Variants in EEF1AKMT2 observed in about 807,000 individuals in gnomAD.
The protein encoded by EEF1AKMT2 is EEF1A lysine methyltransferase 2.
Under a neutral mutation model 35.8 loss-of-function variants are expected in EEF1AKMT2, and 32 were observed. The ratio of observed to expected loss-of-function variants is 0.89; its 90% CI spans 0.67 to 1.20. EEF1AKMT2 has a LOEUF of 1.20. Ranked by LOEUF, EEF1AKMT2 falls within the 50% of genes most tolerant of loss-of-function variation. The pLI, the probability that EEF1AKMT2 is intolerant of heterozygous loss-of-function variation, is 0.00. For missense variants in EEF1AKMT2, 330 were observed against 347.5 expected, an observed-to-expected ratio of 0.95 and a Z score of 0.40; for synonymous variants, 121 against 133.7, an observed-to-expected ratio of 0.91 and a Z score of 0.65.
At chr10:124,778,722 CA>C (rs11405149) in intron 3 of EEF1AKMT2, among the ~76,000 whole-genome samples, 102 of 119,426 alleles carry the variant, frequency 8.5e-4, no homozygotes, top group African/African-American at 1.4e-3. Context: ...GACTCCGTAC[CA>C]AAAAAAAAAA....
At chr10:124,772,991 A>C (rs1950451388) in intron 4 of EEF1AKMT2, among the ~76,000 whole-genome samples, 1 of 152,216 alleles carries the variant, frequency 6.6e-6, no homozygotes, top group Non-Finnish European at 1.5e-5. Context: ...ATTTCCTTAA[A>C]GAAATTTTGT....
intron 1 of EEF1AKMT2, 133 bp from the exon 2 acceptor site, chr10:124,790,471 CAT>C: frequency 1.5e-6 from 1 of 667,060 alleles, no homozygotes; most frequent in Non-Finnish European, 2.7e-6. Context: ...AATAAATACA[CAT>C]AGTTCAATCT....
At chr10:124,777,350 C>G (rs576764163) in intron 3 of EEF1AKMT2, among the ~76,000 whole-genome samples, 56 of 151,658 alleles carry the variant, frequency 3.7e-4, no homozygotes, top group Non-Finnish European at 7.1e-4. Flanking sequence ...TACACACACA[C>G]AGTCATGTGT....
intron 5 of EEF1AKMT2, among the ~76,000 whole-genome samples, chr10:124,764,850 A>G (rs1193906538): frequency 6.6e-6 from 1 of 152,244 alleles, no homozygotes; most frequent in Non-Finnish European, 1.5e-5. Flanking sequence ...TCTATAAATA[A>G]TAGATTATAT....
chr10:124,787,391 A>T (rs1339514628), intron 3 of EEF1AKMT2, among the ~76,000 whole-genome samples: 1 of 139,628 alleles, frequency 7.2e-6, no homozygotes, highest in Non-Finnish European at 1.5e-5. Flanking sequence ...CAAGATCGTG[A>T]GACTGCACTC....
At position 124,790,344 on chromosome 10, in the gene EEF1AKMT2, T is replaced by A. The variant is rs1444743751; in HGVS notation, c.111-6A>T. 3 of 1,602,738 alleles carry A rather than the reference T, an allele frequency of 1.9e-6. No homozygotes were observed. The South Asian group carries it at 3.3e-5, about 18-fold the overall frequency. ...TCTCATAGACAGCATCCCAACTATG[T>A]AAACAATGAAATGCAAAGCAAGACT... On this transcript the variant is annotated splice_region_variant and splice_polypyrimidine_tract_variant and intron_variant, in intron 1 of 6. Coordinates refer to ENST00000368836, the MANE Select transcript of EEF1AKMT2 (RefSeq NM_212554.4).
chr10:124,767,568 C>CA (rs1366809680), intron 4 of EEF1AKMT2, among the ~76,000 whole-genome samples: 2 of 147,822 alleles, frequency 1.4e-5, no homozygotes, highest in Admixed American at 1.3e-4. Flanking sequence ...TTATATTCTA[C>CA]AAAGAGAAAG....
At chr10:124,776,411 T>C (rs1457419137) in intron 3 of EEF1AKMT2, among the ~76,000 whole-genome samples, 1 of 151,932 alleles carries the variant, frequency 6.6e-6, no homozygotes, top group Non-Finnish European at 1.5e-5. Context: ...TAAATGAATT[T>C]TCAGAAAAAG....
Position 124,762,340 on chromosome 10 carries a change from C to A in EEF1AKMT2, c.835G>T (p.Val279Leu). 8.0e-7 allele frequency: 1 copy of A among 1,242,558 alleles called. No individual in the cohort carries two copies. The highest frequency in any genetic ancestry group is 1.4e-5 in the South Asian group (1 of 72,106). 77.0% of individuals were successfully genotyped at this position (1,242,558 alleles called of 1,614,324 possible). A position where few individuals can be genotyped will look rare whatever the true frequency, so the allele number is the denominator to read the frequency against. Residue 279 changes from valine (V) to leucine (L), a missense_variant, in exon 6 of 7, where the codon GTG (valine) becomes TTG (leucine). Transcript: ENST00000368836. ...SSDSPTWPPK[V>L]LGLYHARPSL... ...GGCCTGGCATGGTATAATCCCAGCA[C>A]TTTGGGAGGCCAGGTGGGAGAATCA...
At chr10:124,764,910 C>A (rs114795191) in intron 5 of EEF1AKMT2, among the ~76,000 whole-genome samples, 7 of 152,214 alleles carry the variant, frequency 4.6e-5, no homozygotes, top group African/African-American at 1.7e-4. Context: ...AAGTTTTTCT[C>A]TTTTTTTGTT....
intron 4 of EEF1AKMT2, among the ~76,000 whole-genome samples, chr10:124,767,371 G>A (rs1043933769): frequency 1.1e-4 from 17 of 151,464 alleles, no homozygotes; most frequent in African/African-American, 3.6e-4. Context: ...AAATTAGCCG[G>A]GCGTGGTGGC....
intron 3 of EEF1AKMT2, among the ~76,000 whole-genome samples, chr10:124,775,337 G>A (rs1462313326): frequency 1.3e-5 from 2 of 152,066 alleles, no homozygotes; most frequent in African/African-American, 4.8e-5. Context: ...TGTGAGGTAG[G>A]GTGGGCAGGT....
In EEF1AKMT2 at chr10:124,760,408, C is replaced by T. The variant is rs755960936; in HGVS notation, c.*95G>A. On this transcript the variant is annotated 3_prime_UTR_variant, in exon 7 of 7. Transcript: ENST00000368836. ...TACCTGAATTCGTCCAAGAAAAAGT[C>T]TCACATTTTTTGGAAAACCAATGCT... The T allele has an allele frequency of 6.2e-7, 1 of 1,608,812 alleles. No homozygotes were observed. The highest frequency in any genetic ancestry group is 1.7e-5 in the Admixed American group (1 of 59,744).
chr10:124,761,238 C>T (rs1279541658), intron 6 of EEF1AKMT2, among the ~76,000 whole-genome samples: 1 of 152,276 alleles, frequency 6.6e-6, no homozygotes, highest in South Asian at 2.1e-4. Flanking sequence ...AATTAATTCA[C>T]ACCACACATA....
In EEF1AKMT2 at chr10:124,774,751, A is replaced by G; in HGVS notation, c.323T>C (p.Ile108Thr). 1 of 1,482,174 alleles carries G rather than the reference A, an allele frequency of 6.7e-7. No individual in the cohort carries two copies. The highest frequency in any genetic ancestry group is 1.5e-5 in the South Asian group (1 of 65,792). The allele number at this position is 1,482,174 out of a possible 1,614,324, so 91.8% of individuals were successfully genotyped here. Residue 108 changes from isoleucine (I) to threonine (T), a missense_variant, in exon 4 of 7, where the codon ATT becomes ACT. Transcript: ENST00000368836. ...AKFGFSNITG[I>T]DYSPSAIQLS... ...CTGAATTGCAGAAGGAGAGTAATCA[A>G]TTCCAGTAATATTAGAGAAACCAAA... is the stretch of plus-strand genomic sequence containing the variant.
intron 3 of EEF1AKMT2, among the ~76,000 whole-genome samples, chr10:124,782,576 C>T (rs35174091): frequency 0.037 from 3,722 of 101,838 alleles, 93 homozygotes; most frequent in Non-Finnish European, 0.057. Flanking sequence ...AGCGAGACTC[C>T]GTCTCAAAAA....
chr10:124,770,624 T>A (rs758466460), intron 4 of EEF1AKMT2, among the ~76,000 whole-genome samples: 6 of 152,238 alleles, frequency 3.9e-5, no homozygotes, highest in Non-Finnish European at 8.8e-5. Flanking sequence ...GACTGATTCT[T>A]CCTTTTATGA....
intron 4 of EEF1AKMT2, among the ~76,000 whole-genome samples, chr10:124,765,975 T>C (rs1490840446): frequency 2.0e-5 from 3 of 152,166 alleles, no homozygotes; most frequent in Non-Finnish European, 4.4e-5. Flanking sequence ...AAAATGACAA[T>C]TTATTTGGAA....
chr10:124,788,030 A>G (rs1950601918), intron 3 of EEF1AKMT2, among the ~76,000 whole-genome samples: 1 of 152,230 alleles, frequency 6.6e-6, no homozygotes, highest in Admixed American at 6.5e-5. Context: ...ATGGCAAAGC[A>G]TAATATGGTT....
Sources: gnomAD v4.1 joint callset for allele counts (sites outside exome capture counted in the v4.1 genomes callset) on GRCh38, gnomAD v4.1.1 for gene constraint, MANE v1.5 for transcripts, NCBI Gene and HGNC (gene_info 2026-07-23, HGNC 2026-07-21) for gene names.